The following TBC1D9 variants were observed in gnomAD, a reference collection of about 807,000 sequenced individuals.
TBC1D9 encodes the protein TBC1 domain family member 9A.
Under a neutral mutation model 132.0 loss-of-function variants are expected in TBC1D9, and 63 were observed. That is an observed-to-expected ratio of 0.48 (90% CI 0.39 to 0.59). The LOEUF is 0.59. Ranked by LOEUF, TBC1D9 falls within the 20% of genes least tolerant of loss-of-function variation. The pLI, the probability that TBC1D9 is intolerant of heterozygous loss-of-function variation, is 0.00. For missense variants in TBC1D9, 1,261 were observed against 1,592.7 expected, an observed-to-expected ratio of 0.79 and a Z score of 3.54; for synonymous variants, 610 against 609.9, an observed-to-expected ratio of 1.00 and a Z score of 0.00.
chr4:140,716,140 T>A (rs1315093612), intron 1 of TBC1D9: 2 of 152,192 alleles, frequency 1.3e-5, no homozygotes, highest in Non-Finnish European at 2.9e-5. Flanking sequence ...CAACTGAAAT[T>A]TTCTAAGTAG....
At chr4:140,637,187 T>C (rs572072259) in intron 15 of TBC1D9, among the ~76,000 whole-genome samples, 3 of 152,014 alleles carry the variant, frequency 2.0e-5, no homozygotes, top group African/African-American at 7.2e-5. Context: ...CCACCTCTAC[T>C]AAAAATACAA....
At chr4:140,722,458 A>G (rs1008328454) in intron 1 of TBC1D9, among the ~76,000 whole-genome samples, 14 of 152,136 alleles carry the variant, frequency 9.2e-5, no homozygotes, top group Non-Finnish European at 2.1e-4. Flanking sequence ...CCAAACAGCA[A>G]ATTCATTTAT....
intron 2 of TBC1D9, among the ~76,000 whole-genome samples, chr4:140,695,754 G>T (rs1414815934): frequency 6.6e-6 from 1 of 152,132 alleles, no homozygotes; most frequent in East Asian, 1.9e-4. Flanking sequence ...CAATGGACTG[G>T]ACTCTCTGCT....
At chr4:140,709,024 C>T (rs1738188833) in intron 1 of TBC1D9, among the ~76,000 whole-genome samples, 1 of 152,214 alleles carries the variant, frequency 6.6e-6, no homozygotes, top group African/African-American at 2.4e-5. Context: ...ATCATACATT[C>T]TTCCACTCTC....
At chr4:140,724,055 C>T (rs1248545039) in intron 1 of TBC1D9, among the ~76,000 whole-genome samples, 2 of 152,196 alleles carry the variant, frequency 1.3e-5, no homozygotes, top group Non-Finnish European at 2.9e-5. Context: ...GTTAAAAGAT[C>T]AAAGCCACTT....
chr4:140,707,011 C>T (rs1054692351), intron 1 of TBC1D9, among the ~76,000 whole-genome samples: 1 of 152,124 alleles, frequency 6.6e-6, no homozygotes, highest in African/African-American at 2.4e-5. Context: ...TTGTCAGGTC[C>T]TAGGGTAAGT....
chr4:140,662,716 T>C (rs955102788), intron 9 of TBC1D9, among the ~76,000 whole-genome samples: 1 of 152,142 alleles, frequency 6.6e-6, no homozygotes, highest in African/African-American at 2.4e-5. Context: ...GGGATGGGGA[T>C]GGAGGGTTAT....
chr4:140,731,686 C>A (rs973603661), intron 1 of TBC1D9, among the ~76,000 whole-genome samples: 85 of 151,480 alleles, frequency 5.6e-4, no homozygotes, highest in Non-Finnish European at 2.7e-4. Context: ...CACACACACA[C>A]ACACACACCC....
chr4:140,643,503 TC>T, intron 13 of TBC1D9: 1 of 884,216 alleles, frequency 1.1e-6, no homozygotes, highest in Admixed American at 1.9e-5. Flanking sequence ...CTCCCGGGGC[TC>T]CAGTCTCGGG....
intron 9 of TBC1D9, among the ~76,000 whole-genome samples, chr4:140,662,738 T>A (rs72947333): frequency 0.14 from 20,927 of 152,102 alleles, 1,634 homozygotes; most frequent in Non-Finnish European, 0.17. Context: ...CTGAGAATCA[T>A]CCATTTGAGA....
intron 2 of TBC1D9, among the ~76,000 whole-genome samples, chr4:140,687,224 C>T (rs575987501): frequency 8.6e-5 from 13 of 150,776 alleles, no homozygotes; most frequent in African/African-American, 2.9e-4. Flanking sequence ...TATAAAGATA[C>T]TGGACTAAAT....
intron 11 of TBC1D9, 50 bp from the exon 12 acceptor site, chr4:140,657,862 G>A (rs1358879689): frequency 2.6e-6 from 4 of 1,552,016 alleles, no homozygotes; most frequent in Non-Finnish European, 3.5e-6. Context: ...ACTACACAGT[G>A]TAACTAAAGA....
chr4:140,724,391 A>G (rs1738467640), intron 1 of TBC1D9, among the ~76,000 whole-genome samples: 1 of 152,202 alleles, frequency 6.6e-6, no homozygotes, highest in Admixed American at 6.5e-5. Context: ...ATGAGCCATA[A>G]ATTTCCAGCC....
chr4:140,687,411 AC>A (rs1270818275), intron 2 of TBC1D9, among the ~76,000 whole-genome samples: 2 of 123,862 alleles, frequency 1.6e-5, no homozygotes, highest in African/African-American at 5.5e-5. Flanking sequence ...TATAGTATGC[AC>A]TGCTCATTCC....
At chr4:140,700,288 A>G (rs1738044843) in intron 2 of TBC1D9, among the ~76,000 whole-genome samples, 1 of 151,944 alleles carries the variant, frequency 6.6e-6, no homozygotes, top group Non-Finnish European at 1.5e-5. Context: ...CGTCTCTACT[A>G]AAAATATAAA....
intron 16 of TBC1D9, among the ~76,000 whole-genome samples, chr4:140,632,936 A>T (rs1045695924): frequency 6.6e-6 from 1 of 152,208 alleles, no homozygotes; most frequent in Non-Finnish European, 1.5e-5. Flanking sequence ...CAGTATCTGC[A>T]CTCTAAATAA....
At chr4:140,730,042 GTA>G (rs1233021554) in intron 1 of TBC1D9, among the ~76,000 whole-genome samples, 2 of 152,036 alleles carry the variant, frequency 1.3e-5, no homozygotes, top group Non-Finnish European at 2.9e-5. Flanking sequence ...GCCTTCCCCC[GTA>G]TAGACTCCTG....
At chr4:140,702,926 T>C (rs575553669) in intron 1 of TBC1D9, among the ~76,000 whole-genome samples, 1 of 152,298 alleles carries the variant, frequency 6.6e-6, no homozygotes, top group African/African-American at 2.4e-5. Context: ...CAAGACACTT[T>C]ATTTCCAAAA....
chr4:140,654,674 T>C (rs993894873), intron 13 of TBC1D9, among the ~76,000 whole-genome samples: 2 of 152,236 alleles, frequency 1.3e-5, no homozygotes, highest in Non-Finnish European at 2.9e-5. Flanking sequence ...GCGATGACTT[T>C]TTTAAATGCA....
Sources: gnomAD v4.1 joint callset for allele counts (sites outside exome capture counted in the v4.1 genomes callset) on GRCh38, gnomAD v4.1.1 for gene constraint, MANE v1.5 for transcripts, NCBI Gene and HGNC (gene_info 2026-07-23, HGNC 2026-07-21) for gene names.